ADCY3: variants seen among roughly 807,000 people sequenced by gnomAD.
ADCY3 encodes adenylate cyclase type 3.
A neutral mutation model predicts 119.4 loss-of-function variants in ADCY3; 70 were observed. That is an observed-to-expected ratio of 0.59 (90% CI 0.48 to 0.72). The LOEUF is 0.72. Ranked by LOEUF, ADCY3 falls within the 30% of genes least tolerant of loss-of-function variation. ADCY3 has a pLI of 0.00. For synonymous variants in ADCY3, 672 were observed against 621.4 expected, an observed-to-expected ratio of 1.08 and a Z score of -1.21; for missense variants, 1,238 against 1,541.6, an observed-to-expected ratio of 0.80 and a Z score of 3.30.
chr2:24,853,929 T>C (rs1251851476), intron 3 of ADCY3, among the ~76,000 whole-genome samples: 4 of 152,234 alleles, frequency 2.6e-5, no homozygotes, highest in African/African-American at 9.6e-5. Context: ...AATGAGGATA[T>C]ACAATAATCA....
At chr2:24,860,965 T>C (rs1184850538) in intron 3 of ADCY3, among the ~76,000 whole-genome samples, 2 of 152,130 alleles carry the variant, frequency 1.3e-5, no homozygotes, top group South Asian at 4.1e-4. Flanking sequence ...GAAAACAAGA[T>C]AAATAGCCGA....
intron 3 of ADCY3, among the ~76,000 whole-genome samples, chr2:24,860,104 C>A (rs1224341033): frequency 6.6e-6 from 1 of 152,218 alleles, no homozygotes; most frequent in Non-Finnish European, 1.5e-5. Flanking sequence ...CTCCGTCAAC[C>A]ATGTTCCGAT....
Position 24,856,136 on chromosome 2 carries a change from G to A in ADCY3, c.826-13752C>T, listed in dbSNP as rs147093615. The stretch of plus-strand genomic sequence containing the variant: ...AGAGGGAGACAGTTAGGTCGAGAGA[G>A]ACCCATAGTGCTCAGGTGGCTGGGA... On this transcript the variant is annotated intron_variant, in intron 3 of 21. Coordinates refer to ENST00000679454, the MANE Select transcript of ADCY3 (RefSeq NM_004036.5). Among the ~76,000 whole-genome samples, 21 of 152,348 alleles carry A rather than the reference G, an allele frequency of 1.4e-4. No homozygotes were observed. The South Asian group carries it at 2.7e-3, about 20-fold the overall frequency.
chr2:24,823,305 C>T lies in ADCY3; in HGVS notation c.2787G>A (p.Leu929=). Residue 929 remains leucine, a synonymous_variant, in exon 18 of 22, where the codon CTG becomes CTA. Coordinates refer to ENST00000679454, the MANE Select transcript of ADCY3 (RefSeq NM_004036.5). ...YDEIGVMFAS[L]PNFADFYTEE... ...CTGTGTAGAAGTCAGCAAAGTTGGG[C>T]AGGGAGGCAAACATGACTCCAATCT... The T allele has an allele frequency of 1.9e-6, 3 of 1,613,736 alleles. No homozygotes were observed. The highest frequency in any genetic ancestry group is 2.5e-6 in the Non-Finnish European group (3 of 1,179,928).
intron 2 of ADCY3, among the ~76,000 whole-genome samples, chr2:24,877,638 G>A (rs1440082064): frequency 2.0e-5 from 3 of 152,172 alleles, no homozygotes; most frequent in African/African-American, 7.2e-5. Context: ...AAAGATGGGG[G>A]TCTCTCTGAA....
At chr2:24,882,238 G>A (rs1676487637) in intron 2 of ADCY3, among the ~76,000 whole-genome samples, 1 of 151,732 alleles carries the variant, frequency 6.6e-6, no homozygotes, top group Admixed American at 6.6e-5. Flanking sequence ...ACCAGAGAAG[G>A]CCATCTGGTC....
chr2:24,841,173 G>A lies in ADCY3; in HGVS notation c.1196+86C>T, dbSNP rs1305697400. ...AGCAGATCCCCCACCCAGGGGCCATGGCCAGCGCGGAAGACCTGCTTCTCC... is the reference window on the plus strand; with the variant it reads ...AGCAGATCCCCCACCCAGGGGCCATAGCCAGCGCGGAAGACCTGCTTCTCC... On this transcript the variant is annotated intron_variant, in intron 6 of 21. Coordinates refer to ENST00000679454, the MANE Select transcript of ADCY3 (RefSeq NM_004036.5). This position sits in a 1 kb window ranked among gnomAD's most constrained non-coding sequence, Gnocchi z 5.8. 4 of 1,412,648 alleles carry A rather than the reference G, an allele frequency of 2.8e-6. No homozygotes were observed. Among genetic ancestry groups the A allele is most frequent in the Non-Finnish European group, 2.8e-6 (3 of 1,066,726 alleles). The allele number at this position is 1,412,648 out of a possible 1,614,324, so 87.5% of individuals were successfully genotyped here.
At chr2:24,891,494 T>C (rs772903585) in intron 2 of ADCY3, among the ~76,000 whole-genome samples, 1 of 152,178 alleles carries the variant, frequency 6.6e-6, no homozygotes, top group Non-Finnish European at 1.5e-5. Flanking sequence ...TATTTTACTT[T>C]ATAATGGCAC....
In ADCY3 at chr2:24,830,065, C is replaced by T. The variant is rs540218361; in HGVS notation, c.2172+644G>A. Among the ~76,000 whole-genome samples, 176 of 18,522 alleles carry T rather than the reference C, an allele frequency of 9.5e-3. 3 individuals are homozygous for T. The highest frequency in any genetic ancestry group is 0.082 in the African/African-American group (129 of 1,566). The allele number at this position is 18,522 out of a possible 152,430, so 12.2% of individuals were successfully genotyped here. On this transcript the variant is annotated intron_variant, in intron 13 of 21. Coordinates refer to ENST00000679454, the MANE Select transcript of ADCY3 (RefSeq NM_004036.5). ...TTACCTTTTTTTTTTTTTTTTGAGA[C>T]GGAGTCTTGCTGTCGCCTAGGCTGG...
chr2:24,897,295 CTT>C (rs1678400283), intron 2 of ADCY3, among the ~76,000 whole-genome samples: 1 of 151,762 alleles, frequency 6.6e-6, no homozygotes, highest in South Asian at 2.1e-4. Context: ...TTCTCTCTCT[CTT>C]TGTCTCTCTC....
At chr2:24,830,489 G>A (rs144175106) in intron 13 of ADCY3, among the ~76,000 whole-genome samples, 46 of 152,314 alleles carry the variant, frequency 3.0e-4, no homozygotes, top group African/African-American at 1.1e-3. Context: ...GACTCTGGGA[G>A]AGGAGCTTCA....
chr2:24,849,188 T>C (rs955495240), intron 3 of ADCY3, among the ~76,000 whole-genome samples: 4 of 152,172 alleles, frequency 2.6e-5, no homozygotes, highest in Admixed American at 2.6e-4. Flanking sequence ...CAGAGTTCTG[T>C]CCCTTCAGAA....
rs1213626321 is a variant in ADCY3, at chr2:24,837,015, T to C, written c.1564A>G (p.Lys522Glu). 1 of 1,614,032 alleles carries C rather than the reference T, an allele frequency of 6.2e-7. No homozygotes were observed. The highest frequency in any genetic ancestry group is 1.1e-5 in the South Asian group (1 of 91,066). Residue 522 changes from lysine (K) to glutamate (E), a missense_variant, in exon 9 of 22, where the codon AAG (lysine) becomes GAG (glutamate). Physicochemically the swap from Lys to Glu is moderately conservative, Grantham distance 56 (BLOSUM62 1). This residue lies in a region of ADCY3 where 499 missense variants were observed against 571.0 expected (regional missense o/e 0.87). Transcript: ENST00000679454. ...TCAATGAGGGCAGGGGAGCTGGACT[T>C]TGAGGAAGCTGGTGCTCCATTGGGC... ...ALPNGAPASS[K>E]SSSPALIETK...
intron 3 of ADCY3, among the ~76,000 whole-genome samples, chr2:24,847,422 C>T (rs932035819): frequency 6.6e-6 from 1 of 152,184 alleles, no homozygotes; most frequent in Non-Finnish European, 1.5e-5. Flanking sequence ...CTTCCATTTC[C>T]ACAGCAATAT....
chr2:24,898,285 G>A lies in ADCY3; in HGVS notation c.675+20028C>T, dbSNP rs1454242839. On this transcript the variant is annotated intron_variant, in intron 2 of 21. Transcript: ENST00000679454. This position sits in a 1 kb window ranked among gnomAD's most constrained non-coding sequence, Gnocchi z 4.3. ...TTCGTGCGCCACAGAGGCCCCCGGG[G>A]AGGCTCGAGGACCGCCTTTCCATCA... Among the ~76,000 whole-genome samples the A allele has an allele frequency of 1.3e-5, 2 of 152,078 alleles. No individual in the cohort carries two copies. The highest frequency in any genetic ancestry group is 2.4e-5 in the African/African-American group (1 of 41,420).
At position 24,827,947 on chromosome 2, in the gene ADCY3, C is replaced by T. The variant is rs372560995; in HGVS notation, c.2387G>A (p.Arg796His). ...GTGGTCGTATTCATCAAAGACGGGACGCCAGGCATAGAGGTTGATGGTGGC... is the reference window on the plus strand; with the variant it reads ...GTGGTCGTATTCATCAAAGACGGGATGCCAGGCATAGAGGTTGATGGTGGC... ...AVATINLYAW[R>H]PVFDEYDHKR... The change falls in exon 14 of 22, where the codon CGT (arginine) becomes CAT (histidine). Residue 796 changes from arginine (R) to histidine (H), a missense_variant. Physicochemically the swap from Arg to His is conservative, Grantham distance 29. Transcript: ENST00000679454. 7.1e-5 allele frequency: 115 copies of T among 1,614,202 alleles called. No homozygotes were observed. The East Asian group carries it at 8.7e-4, about 12-fold the overall frequency.
At chr2:24,906,925 G>A (rs1573047781) in intron 2 of ADCY3, among the ~76,000 whole-genome samples, 2 of 152,264 alleles carry the variant, frequency 1.3e-5, no homozygotes, top group Admixed American at 1.3e-4. Flanking sequence ...GAGATCAGGA[G>A]TTTGAGACCA....
chr2:24,879,656 G>A (rs1351974077), intron 2 of ADCY3, among the ~76,000 whole-genome samples: 2 of 152,178 alleles, frequency 1.3e-5, no homozygotes, highest in East Asian at 3.8e-4. Context: ...GCAGGGCAGA[G>A]TTTTCTTATT....
Position 24,918,549 on chromosome 2 carries a change from T to C in ADCY3, c.439A>G (p.Ile147Val), listed in dbSNP as rs775972984. 4 of 1,614,046 alleles carry C rather than the reference T, an allele frequency of 2.5e-6. No individual in the cohort carries two copies. The highest frequency in any genetic ancestry group is 1.7e-5 in the Admixed American group (1 of 60,032). ...RVLPYVLWLL[I>V]TAQIFSYLGL... The stretch of plus-strand genomic sequence containing the variant: ...AGGTAGGAGAAGATCTGGGCGGTTA[T>C]GAGCAGCCACAGCACGTAGGGCAGC... The change falls in exon 2 of 22, where the codon ATA becomes GTA. Residue 147 changes from isoleucine to valine, a missense_variant. Transcript: ENST00000679454. The surrounding 1 kb of genome is among the most constrained non-coding windows in gnomAD (Gnocchi z 5.4).
Sources: allele counts gnomAD v4.1 joint callset (sites outside exome capture counted in the v4.1 genomes callset), GRCh38; gene constraint gnomAD v4.1.1; regional missense constraint gnomAD v4.1.1; non-coding constraint Gnocchi (gnomAD v3.1); transcripts MANE v1.5; gene names NCBI Gene and HGNC (gene_info 2026-07-23, HGNC 2026-07-21).